TRPM1: variants seen among roughly 807,000 people sequenced by gnomAD.
TRPM1 encodes TRPM1-203 APA Isoform, Intron 10.
In TRPM1, 113 loss-of-function variants were observed where a neutral mutation model predicts 149.4. The observed-to-expected ratio is 0.76, with a 90% confidence interval of 0.65 to 0.88. TRPM1 has a LOEUF of 0.88. TRPM1 is among the 40% of genes least tolerant of loss of function. The pLI, the probability that TRPM1 is intolerant of heterozygous loss-of-function variation, is 0.00. For missense variants in TRPM1, 1,976 were observed against 2,038.7 expected (o/e 0.97, Z 0.59); for synonymous variants, 741 against 759.5 (o/e 0.98, Z 0.40).
chr15:31,016,297 A>G (rs1438206184), intron 27 of TRPM1, among the ~76,000 whole-genome samples: 1 of 152,250 alleles, frequency 6.6e-6, no homozygotes, highest in Middle Eastern at 3.2e-3. Flanking sequence ...TATAACAAGT[A>G]TTCAGCACTA....
intron 1 of TRPM1, among the ~76,000 whole-genome samples, chr15:31,082,378 T>C (rs2034884850): frequency 6.6e-6 from 1 of 152,270 alleles, no homozygotes; most frequent in Non-Finnish European, 1.5e-5. Context: ...GTGGAGGTCA[T>C]ACTGGAGGCG....
Position 31,002,622 on chromosome 15 carries a change from C to T in TRPM1, c.4078G>A (p.Gly1360Ser), listed in dbSNP as rs1294633617. The part of the protein sequence containing the change: ...LGTSTSATPD[G>S]SHLAVDDLKN... ...AAGTCATCTACTGCAAGGTGACTGC[C>T]ATCTGGGGTTGCTGATGTGCTTGTG... Residue 1360 changes from glycine (G) to serine (S), a missense_variant, in exon 28 of 28, where the codon GGC (glycine) becomes AGC (serine). Transcript: ENST00000256552. The T allele has an allele frequency of 6.2e-7, 1 of 1,614,078 alleles. No homozygotes were observed.
chr15:31,115,333 G>A (rs1434740911), intron 1 of TRPM1, among the ~76,000 whole-genome samples: 7 of 152,088 alleles, frequency 4.6e-5, no homozygotes, highest in Non-Finnish European at 1.0e-4. Flanking sequence ...AAAACTTCTG[G>A]TTTCGGCTTG....
At chr15:31,089,433 A>G (rs772266023) in intron 1 of TRPM1, among the ~76,000 whole-genome samples, 91 of 152,324 alleles carry the variant, frequency 6.0e-4, no homozygotes, top group African/African-American at 2.0e-3. Context: ...CTTGATGCCT[A>G]TGACAGGTCA....
chr15:31,118,509 G>A (rs796174461), intron 1 of TRPM1, among the ~76,000 whole-genome samples: 13 of 150,956 alleles, frequency 8.6e-5, no homozygotes, highest in Middle Eastern at 3.4e-3. Context: ...AGAAAATTTC[G>A]GAAAAAAAAA....
At chr15:31,064,549 C>G (rs1418977013) in intron 7 of TRPM1, among the ~76,000 whole-genome samples, 1 of 152,190 alleles carries the variant, frequency 6.6e-6, no homozygotes, top group Non-Finnish European at 1.5e-5. Flanking sequence ...AGATCACACT[C>G]TGAGCCTATT....
chr15:31,098,362 G>A (rs549654243), intron 1 of TRPM1, among the ~76,000 whole-genome samples: 10 of 152,090 alleles, frequency 6.6e-5, no homozygotes, highest in Non-Finnish European at 1.3e-4. Flanking sequence ...TCTGGGAGGC[G>A]GAGGTTGCGG....
chr15:31,091,536 G>C (rs1010539773), intron 1 of TRPM1, among the ~76,000 whole-genome samples: 5 of 152,216 alleles, frequency 3.3e-5, no homozygotes, highest in African/African-American at 4.8e-5. Flanking sequence ...GGAAGGGCAC[G>C]GAGGGGCACT....
In TRPM1 at chr15:31,002,558, C is replaced by T. The variant is rs1566981907; in HGVS notation, c.4142G>A (p.Gly1381Glu). Residue 1381 changes from glycine (G) to glutamate (E), a missense_variant, in exon 28 of 28, where the codon GGG becomes GAG. Gly to Glu is a moderately conservative substitution (Grantham distance 98). Transcript: ENST00000256552. ...AEESKLGPDI[G>E]ISKEDDERQT... The stretch of plus-strand genomic sequence containing the variant: ...TCTTTCATCATCTTCCTTTGAAATC[C>T]CAATATCTGGACCTAATTTTGACTC... 6.2e-7 allele frequency: 1 copy of T among 1,614,002 alleles called. No homozygotes were observed.
At chr15:31,143,366 A>G (rs548366419) in intron 1 of TRPM1, among the ~76,000 whole-genome samples, 1 of 152,260 alleles carries the variant, frequency 6.6e-6, no homozygotes, top group Middle Eastern at 3.4e-3. Flanking sequence ...TTGTTGGTTC[A>G]TTTAATGTTT....
At chr15:31,146,323 C>T (rs914168634) in intron 1 of TRPM1, among the ~76,000 whole-genome samples, 9 of 152,206 alleles carry the variant, frequency 5.9e-5, no homozygotes, top group Admixed American at 3.9e-4. Flanking sequence ...TCTGGTCACT[C>T]TCTCACCTAG....
intron 2 of TRPM1, among the ~76,000 whole-genome samples, chr15:31,080,819 G>A (rs955956034): frequency 4.0e-5 from 6 of 151,570 alleles, no homozygotes; most frequent in Middle Eastern, 6.8e-3. Context: ...AACCCGCGCT[G>A]GGGCGCTGTC....
chr15:31,059,821 T>C (rs1020423024), intron 11 of TRPM1, among the ~76,000 whole-genome samples: 12 of 152,210 alleles, frequency 7.9e-5, no homozygotes, highest in Non-Finnish European at 1.6e-4. Context: ...ATCTATAAAA[T>C]GGATCAAAGA....
chr15:31,002,370 G>A lies in TRPM1; in HGVS notation c.4330C>T (p.Arg1444Cys), dbSNP rs3784587. ...TTGATCGTTTCATCGGGGAAATAGC[G>A]TGTAATTTTGGTTTCTTCCAGGGGA... ...SYPLEETKIT[R>C]YFPDETINAC... The change falls in exon 28 of 28, where the codon CGC becomes TGC. Residue 1444 changes from arginine to cysteine, a missense_variant. Arg to Cys is a radical substitution (Grantham distance 180, BLOSUM62 -3). Coordinates refer to ENST00000256552, the MANE Select transcript of TRPM1 (RefSeq NM_001252024.2). 4.1e-3 allele frequency: 6,546 copies of A among 1,614,196 alleles called. 24 individuals are homozygous for A. The highest frequency in any genetic ancestry group is 4.8e-3 in the Non-Finnish European group (5,667 of 1,180,044).
chr15:31,062,579 G>C lies in TRPM1; in HGVS notation c.1089C>G (p.Leu363=), dbSNP rs202130526. ...TTGGAAATAAATTCAAGACACTTAC[G>C]AGTTCTTTCTTCTTCATGCACTCCA... ...IIMECMKKKE[L]VTVFRMGSEG... Residue 363 remains leucine (L), a splice_region_variant and synonymous_variant, in exon 9 of 28, where the codon CTC becomes CTG. Transcript: ENST00000256552. 1 of 1,614,072 alleles carries C rather than the reference G, an allele frequency of 6.2e-7. No individual in the cohort carries two copies. Among genetic ancestry groups the C allele is most frequent in the South Asian group, 1.1e-5 (1 of 91,084 alleles).
intron 1 of TRPM1, among the ~76,000 whole-genome samples, chr15:31,157,561 A>C (rs1445405176): frequency 1.3e-5 from 2 of 152,204 alleles, no homozygotes; most frequent in African/African-American, 4.8e-5. Flanking sequence ...CAGGGATAAA[A>C]GTGCAAGGCA....
intron 1 of TRPM1, among the ~76,000 whole-genome samples, chr15:31,109,333 C>CAAAA (rs36072024): frequency 6.2e-5 from 2 of 32,298 alleles, no homozygotes; most frequent in Non-Finnish European, 1.2e-4. Flanking sequence ...GACTCTGCCT[C>CAAAA]AAAAAAAAAA....
chr15:31,113,437 T>TTC (rs2035736696), intron 1 of TRPM1, among the ~76,000 whole-genome samples: 1 of 151,338 alleles, frequency 6.6e-6, no homozygotes, highest in African/African-American at 2.4e-5. Context: ...TGACAGTTTT[T>TTC]TTTTTTTCAA....
chr15:31,026,398 C>A, intron 26 of TRPM1, 127 bp from the exon 27 acceptor site: 1 of 1,150,390 alleles, frequency 8.7e-7, no homozygotes. Flanking sequence ...CAGTTCGCCA[C>A]TACTCCAATT....
Sources: gnomAD v4.1 joint callset for allele counts (sites outside exome capture counted in the v4.1 genomes callset) on GRCh38, gnomAD v4.1.1 for gene constraint, MANE v1.5 for transcripts, NCBI Gene and HGNC (gene_info 2026-07-23, HGNC 2026-07-21) for gene names.